TBC1D22A: variants seen among roughly 807,000 people sequenced by gnomAD.
The protein encoded by TBC1D22A is putative GTPase activator.
A neutral mutation model predicts 60.2 loss-of-function variants in TBC1D22A; 38 were observed. That is an observed-to-expected ratio of 0.63 (90% CI 0.49 to 0.83). The LOEUF is 0.83. TBC1D22A is among the 40% of genes least tolerant of loss of function. TBC1D22A has a pLI of 0.00. For synonymous variants in TBC1D22A, 302 were observed against 281.7 expected (o/e 1.07, Z -0.72); for missense variants, 628 against 701.0 (o/e 0.90, Z 1.18).
intron 12 of TBC1D22A, among the ~76,000 whole-genome samples, chr22:47,140,514 A>G (rs2067040791): frequency 6.6e-6 from 1 of 151,348 alleles, no homozygotes; most frequent in African/African-American, 2.4e-5. Context: ...AGATCGTGCC[A>G]CTGCACTCCA....
Position 46,875,864 on chromosome 22 carries a change from A to G in TBC1D22A, c.638-2789A>G, listed in dbSNP as rs976042514. ...GAAAGGATGGAGTATTGTGTCCAGC[A>G]CTTAACTGGAGACAGACAAAAAGCC... is the stretch of plus-strand genomic sequence containing the variant. On this transcript the variant is annotated intron_variant, in intron 4 of 12. Transcript: ENST00000337137. 1.3e-4 allele frequency among the ~76,000 whole-genome samples: 20 copies of G among 152,330 alleles called. 1 individual carries two copies. The highest frequency in any genetic ancestry group is 4.3e-4 in the African/African-American group (18 of 41,570).
chr22:47,104,572 G>A (rs2065551426), intron 11 of TBC1D22A, among the ~76,000 whole-genome samples: 1 of 151,588 alleles, frequency 6.6e-6, no homozygotes, highest in Non-Finnish European at 1.5e-5. Flanking sequence ...GCACATGCCT[G>A]TAATCCCAGC....
At chr22:47,048,263 G>GCAC (rs2063094326) in intron 11 of TBC1D22A, among the ~76,000 whole-genome samples, 1 of 152,126 alleles carries the variant, frequency 6.6e-6, no homozygotes, top group Non-Finnish European at 1.5e-5. Context: ...TCCCCTCAGA[G>GCAC]CACCCCCTTA....
At chr22:46,809,523 G>C in intron 4 of TBC1D22A, among the ~76,000 whole-genome samples, 1 of 152,026 alleles carries the variant, frequency 6.6e-6, no homozygotes, top group Non-Finnish European at 1.5e-5. Context: ...TAAACCCATG[G>C]ATTTGTTTTA....
chr22:47,093,560 C>T lies in TBC1D22A; in HGVS notation c.1330-17948C>T, dbSNP rs551556985. On this transcript the variant is annotated intron_variant, in intron 11 of 12. Transcript: ENST00000337137. ...CTCATCTGTGAGCCCTAGGAGTTCCCGGCTTCCCAGTGCATGTTGATTTTT... is the reference window on the plus strand; with the variant it reads ...CTCATCTGTGAGCCCTAGGAGTTCCTGGCTTCCCAGTGCATGTTGATTTTT... Among the ~76,000 whole-genome samples the T allele has an allele frequency of 4.6e-5, 7 of 152,224 alleles. 1 individual carries two copies. Among genetic ancestry groups the T allele is most frequent in the African/African-American group, 1.4e-4 (6 of 41,538 alleles).
At chr22:46,852,873 T>C (rs2147289581) in intron 4 of TBC1D22A, among the ~76,000 whole-genome samples, 1 of 152,326 alleles carries the variant, frequency 6.6e-6, no homozygotes, top group East Asian at 1.9e-4. Flanking sequence ...GAGTTCCATG[T>C]CACTGGCGTT....
At chr22:46,944,201 A>G (rs1225714855) in intron 8 of TBC1D22A, among the ~76,000 whole-genome samples, 2 of 152,006 alleles carry the variant, frequency 1.3e-5, no homozygotes, top group Non-Finnish European at 2.9e-5. Context: ...AGCACTTACT[A>G]TTGTTTGTGT....
chr22:46,890,846 T>G (rs1444809499), intron 5 of TBC1D22A, among the ~76,000 whole-genome samples: 1 of 151,904 alleles, frequency 6.6e-6, no homozygotes, highest in Non-Finnish European at 1.5e-5. Context: ...GTGCGTGGGG[T>G]GTGTGTGCGT....
chr22:46,790,648 A>C (rs1335870023), intron 1 of TBC1D22A, among the ~76,000 whole-genome samples: 1 of 151,964 alleles, frequency 6.6e-6, no homozygotes, highest in Non-Finnish European at 1.5e-5. Flanking sequence ...AAATGAACAA[A>C]ATAAAAAAAA....
chr22:47,114,559 A>G (rs1013617512), intron 12 of TBC1D22A, among the ~76,000 whole-genome samples: 7 of 152,158 alleles, frequency 4.6e-5, no homozygotes, highest in Admixed American at 1.3e-4. Flanking sequence ...CCTGGTGAGC[A>G]CGGGGAATGT....
intron 10 of TBC1D22A, among the ~76,000 whole-genome samples, chr22:47,005,654 CCACA>C (rs1171080303): frequency 6.7e-6 from 1 of 148,414 alleles, no homozygotes; most frequent in Non-Finnish European, 1.5e-5. Flanking sequence ...ACACACACAC[CCACA>C]CACACACCCA....
chr22:46,762,864 A>AG lies in TBC1D22A; in HGVS notation c.62+19dup. 1 of 1,469,072 alleles carries AG rather than the reference A, an allele frequency of 6.8e-7. No individual in the cohort carries two copies. The highest frequency in any genetic ancestry group is 9.0e-7 in the Non-Finnish European group (1 of 1,116,268). The allele number at this position is 1,469,072 out of a possible 1,614,324, so 91.0% of individuals were successfully genotyped here. The stretch of plus-strand genomic sequence containing the variant: ...TCCCGGGCAGGTGGGTGTGCCGCGG[A>AG]GGGCCAGGTCGGGGTCAGGGGTCAG... On this transcript the variant is annotated intron_variant, in intron 1 of 12. Coordinates refer to ENST00000337137, the MANE Select transcript of TBC1D22A (RefSeq NM_014346.5).
At chr22:46,842,163 A>G (rs1377352522) in intron 4 of TBC1D22A, among the ~76,000 whole-genome samples, 1 of 152,184 alleles carries the variant, frequency 6.6e-6, no homozygotes, top group African/African-American at 2.4e-5. Flanking sequence ...AGGCACCATC[A>G]ATTTTGCATT....
chr22:47,157,245 A>G (rs2067759495), intron 12 of TBC1D22A, among the ~76,000 whole-genome samples: 1 of 152,148 alleles, frequency 6.6e-6, no homozygotes, highest in African/African-American at 2.4e-5. Flanking sequence ...GGCTCCTCCC[A>G]CCTGGAGAGA....
At chr22:47,149,362 G>C (rs186516853) in intron 12 of TBC1D22A, among the ~76,000 whole-genome samples, 1 of 152,242 alleles carries the variant, frequency 6.6e-6, no homozygotes, top group Non-Finnish European at 1.5e-5. Context: ...TCTAAAAATA[G>C]GAGCTTAATG....
chr22:46,985,347 G>T lies in TBC1D22A; in HGVS notation c.1125+10948G>T, dbSNP rs868740359. Among the ~76,000 whole-genome samples, 3 of 152,144 alleles carry T rather than the reference G, an allele frequency of 2.0e-5. No homozygotes were observed. The South Asian group carries it at 6.2e-4, about 32-fold the overall frequency. On this transcript the variant is annotated intron_variant, in intron 9 of 12. Coordinates refer to ENST00000337137, the MANE Select transcript of TBC1D22A (RefSeq NM_014346.5). ...CTGCCCCAGATGCCGGCTCAACTGT[G>T]CCCCTGTGGGGAAGAATCTCAGATA...
rs370372413 is a variant in TBC1D22A at position 47,121,761 on chromosome 22, A to G, written c.1425+10158A>G. ...CATGTTCTTTTCAATATGTGTAAAC[A>G]TGGTTTTCTCACTAGGGTTAATTCC... On this transcript the variant is annotated intron_variant, in intron 12 of 12. Coordinates refer to ENST00000337137, the MANE Select transcript of TBC1D22A (RefSeq NM_014346.5). 3.8e-4 allele frequency among the ~76,000 whole-genome samples: 57 copies of G among 151,876 alleles called. 2 individuals carry two copies. In the East Asian group the frequency reaches 8.3e-3, roughly 22 times the overall value.
chr22:47,032,415 G>T (rs922253416), intron 10 of TBC1D22A, among the ~76,000 whole-genome samples: 2 of 152,234 alleles, frequency 1.3e-5, no homozygotes, highest in Non-Finnish European at 2.9e-5. Context: ...CCCCCAGACT[G>T]GGTCCAGGGC....
At chr22:47,087,698 CACAAATTCTA>C (rs983872881) in intron 11 of TBC1D22A, among the ~76,000 whole-genome samples, 24 of 152,052 alleles carry the variant, frequency 1.6e-4, no homozygotes, top group African/African-American at 3.1e-4. Context: ...TTAGAGGAAC[CACAAATTCTA>C]ACAAATTCTA....
Sources: gnomAD v4.1 joint callset for allele counts (sites outside exome capture counted in the v4.1 genomes callset) on GRCh38, gnomAD v4.1.1 for gene constraint, MANE v1.5 for transcripts, NCBI Gene and HGNC (gene_info 2026-07-23, HGNC 2026-07-21) for gene names.